Variants in TYW1B observed in about 807,000 individuals in gnomAD.
TYW1B encodes the protein S-adenosyl-L-methionine-dependent tRNA 4-demethylwyosine synthase TYW1B.
In TYW1B, 73 loss-of-function variants were observed where a neutral mutation model predicts 86.9. The ratio of observed to expected loss-of-function variants is 0.84; its 90% CI spans 0.70 to 1.02. The LOEUF is 1.02. TYW1B is among the 50% of genes least tolerant of loss of function. The pLI, the probability that TYW1B is intolerant of heterozygous loss-of-function variation, is 0.00. For synonymous variants in TYW1B, 248 were observed against 292.8 expected (o/e 0.85, Z 1.56); for missense variants, 637 against 827.4 (o/e 0.77, Z 2.82).
chr7:72,754,392 C>T lies in TYW1B; in HGVS notation c.965-9791G>A, dbSNP rs549354566. 1.4e-4 allele frequency among the ~76,000 whole-genome samples: 21 copies of T among 151,982 alleles called. 1 individual carries two copies. The highest frequency in any genetic ancestry group is 1.9e-4 in the Non-Finnish European group (13 of 67,970). ...TCCTGACTTCGGGATCTGCCCACCT[C>T]GGCCTCCCACAGTGCTGGGATTACA... On this transcript the variant is annotated intron_variant, in intron 7 of 13. Transcript: ENST00000620995.
chr7:72,612,351 C>T (rs1263563770), intron 13 of TYW1B, among the ~76,000 whole-genome samples: 2 of 152,098 alleles, frequency 1.3e-5, no homozygotes, highest in African/African-American at 2.4e-5. Flanking sequence ...AAAGGGAGGG[C>T]TTTTGTTTAC....
At chr7:72,636,513 C>T (rs1228842718) in intron 11 of TYW1B, among the ~76,000 whole-genome samples, 1 of 152,124 alleles carries the variant, frequency 6.6e-6, no homozygotes, top group South Asian at 2.1e-4. Context: ...TTGTCTTATT[C>T]TGCACAGTAA....
intron 13 of TYW1B, among the ~76,000 whole-genome samples, chr7:72,615,400 A>C (rs1174435156): frequency 5.3e-5 from 8 of 152,214 alleles, no homozygotes; most frequent in Admixed American, 4.6e-4. Flanking sequence ...CAGTTTCTTC[A>C]CCGTTCAGAC....
chr7:72,647,161 C>T lies in TYW1B; in HGVS notation c.1507-18164G>A, dbSNP rs567826283. ...AAGCAGTAATGAGGTACTATTTGGGCTTATCAAATTGGCAAAGATTTTTTT... is the reference window on the plus strand; with the variant it reads ...AAGCAGTAATGAGGTACTATTTGGGTTTATCAAATTGGCAAAGATTTTTTT... On this transcript the variant is annotated intron_variant, in intron 11 of 13. Transcript: ENST00000620995. Among the ~76,000 whole-genome samples the T allele has an allele frequency of 3.9e-5, 6 of 152,226 alleles. No homozygotes were observed. In the East Asian group the frequency reaches 1.2e-3, roughly 29 times the overall value.
At chr7:72,695,955 T>C (rs551293018) in intron 10 of TYW1B, among the ~76,000 whole-genome samples, 8 of 148,704 alleles carry the variant, frequency 5.4e-5, no homozygotes, top group East Asian at 2.0e-4. Context: ...TTTTCTTTTT[T>C]TTTTTTTTTT....
At chr7:72,588,506 T>C (rs1811327177) in intron 13 of TYW1B, among the ~76,000 whole-genome samples, 1 of 152,240 alleles carries the variant, frequency 6.6e-6, no homozygotes, top group African/African-American at 2.4e-5. Context: ...GTGGGGGTGG[T>C]GATAGCTCTT....
intron 13 of TYW1B, among the ~76,000 whole-genome samples, chr7:72,613,748 T>C (rs1315760088): frequency 1.3e-5 from 2 of 151,924 alleles, no homozygotes; most frequent in Non-Finnish European, 2.9e-5. Context: ...CTGACTCCTA[T>C]AGAGTAGATC....
chr7:72,640,553 T>C (rs1339336612), intron 11 of TYW1B, among the ~76,000 whole-genome samples: 1 of 151,968 alleles, frequency 6.6e-6, no homozygotes, highest in African/African-American at 2.4e-5. Flanking sequence ...TTTACTAGTA[T>C]TAGACAGACT....
At chr7:72,733,655 C>T (rs1374328616) in intron 8 of TYW1B, among the ~76,000 whole-genome samples, 18 of 151,864 alleles carry the variant, frequency 1.2e-4, no homozygotes, top group African/African-American at 1.7e-4. Flanking sequence ...AGCGAGACTC[C>T]GTCTCAAAGA....
chr7:72,575,447 T>A lies in TYW1B; in HGVS notation c.*51A>T, dbSNP rs1810998749. The A allele has an allele frequency of 6.3e-7, 1 of 1,583,214 alleles. No homozygotes were observed. Among genetic ancestry groups the A allele is most frequent in the Non-Finnish European group, 8.6e-7 (1 of 1,166,824 alleles). On this transcript the variant is annotated 3_prime_UTR_variant, in exon 14 of 14. Transcript: ENST00000620995. ...AGAATCAGAGTGGTGTTCAAGAACC[T>A]TTTGAGGCCATCCAAGTTTTTGTCC... is the stretch of plus-strand genomic sequence containing the variant.
At chr7:72,741,239 A>C (rs1787299922) in intron 8 of TYW1B, among the ~76,000 whole-genome samples, 1 of 152,186 alleles carries the variant, frequency 6.6e-6, no homozygotes, top group Non-Finnish European at 1.5e-5. Flanking sequence ...AACCAAGAAA[A>C]CAATGTCTAA....
intron 10 of TYW1B, among the ~76,000 whole-genome samples, chr7:72,697,674 G>A (rs1814355178): frequency 6.6e-6 from 1 of 152,058 alleles, no homozygotes; most frequent in South Asian, 2.1e-4. Context: ...CTGTATCTGA[G>A]AATCTCACAG....
chr7:72,779,299 T>C (rs1344538816), intron 6 of TYW1B, among the ~76,000 whole-genome samples: 3 of 152,234 alleles, frequency 2.0e-5, no homozygotes, highest in African/African-American at 7.2e-5. Context: ...AAAGGGTACC[T>C]AGGGGAGGAT....
chr7:72,730,623 AAAAG>A (rs1159250107), intron 8 of TYW1B, among the ~76,000 whole-genome samples: 1 of 151,144 alleles, frequency 6.6e-6, no homozygotes, highest in African/African-American at 2.4e-5. Context: ...GAAGAGGAGA[AAAAG>A]AAAGAAGAAA....
chr7:72,720,759 A>G (rs1786880213), intron 9 of TYW1B, among the ~76,000 whole-genome samples: 1 of 152,086 alleles, frequency 6.6e-6, no homozygotes, highest in Non-Finnish European at 1.5e-5. Context: ...CTTTATTATT[A>G]TTATTATACC....
At chr7:72,629,985 A>G (rs1812443286) in intron 11 of TYW1B, among the ~76,000 whole-genome samples, 2 of 152,228 alleles carry the variant, frequency 1.3e-5, no homozygotes. Context: ...AACATTATTA[A>G]TAATGGCTTA....
chr7:72,728,890 A>T lies in TYW1B; in HGVS notation c.1124T>A (p.Met375Lys), dbSNP rs1554459258. 3 of 1,614,040 alleles carry T rather than the reference A, an allele frequency of 1.9e-6. No individual in the cohort carries two copies. Among genetic ancestry groups the T allele is most frequent in the Non-Finnish European group, 2.5e-6 (3 of 1,179,956 alleles). ...NPVGTEWLWK[M>K]DQPEMILKEA... ...CTTCAAGATCATTTCAGGCTGGTCC[A>T]TCTTCCACAACCATTCAGTGCCCAC... The change falls in exon 9 of 14, where the codon ATG (methionine) becomes AAG (lysine). Residue 375 changes from methionine to lysine, a missense_variant. Coordinates refer to ENST00000620995, the MANE Select transcript of TYW1B (RefSeq NM_001145440.3).
At chr7:72,758,657 C>T (rs1787636233) in intron 7 of TYW1B, among the ~76,000 whole-genome samples, 1 of 152,104 alleles carries the variant, frequency 6.6e-6, no homozygotes, top group Non-Finnish European at 1.5e-5. Flanking sequence ...AGCCTCCTTC[C>T]TTTTAGTAGA....
At chr7:72,740,467 C>CTT (rs370164283) in intron 8 of TYW1B, among the ~76,000 whole-genome samples, 1 of 116,666 alleles carries the variant, frequency 8.6e-6, no homozygotes, top group East Asian at 2.5e-4. Context: ...CTGGGAGAAG[C>CTT]TTTTTTTTTT....
Sources: gnomAD v4.1 joint callset for allele counts (sites outside exome capture counted in the v4.1 genomes callset) on GRCh38, gnomAD v4.1.1 for gene constraint, MANE v1.5 for transcripts, NCBI Gene and HGNC (gene_info 2026-07-23, HGNC 2026-07-21) for gene names.